Variants in TRIM24 observed in about 807,000 individuals in gnomAD.
The protein encoded by TRIM24 is transcription intermediary factor 1-alpha.
A neutral mutation model predicts 123.9 loss-of-function variants in TRIM24; 29 were observed. The ratio of observed to expected loss-of-function variants is 0.23; its 90% CI spans 0.17 to 0.32. The LOEUF is 0.32. Ranked by LOEUF, TRIM24 falls within the 10% of genes least tolerant of loss-of-function variation. The pLI, the probability that TRIM24 is intolerant of heterozygous loss-of-function variation, is 1.00. For missense variants in TRIM24, 932 were observed against 1,295.3 expected (o/e 0.72, Z 4.31); for synonymous variants, 456 against 461.1 (o/e 0.99, Z 0.14).
chr7:138,545,747 C>T (rs1016103983), intron 7 of TRIM24, among the ~76,000 whole-genome samples: 1 of 151,958 alleles, frequency 6.6e-6, no homozygotes, highest in Non-Finnish European at 1.5e-5. Flanking sequence ...TGTTGTTATA[C>T]CAGAAAACTA....
At chr7:138,582,490 C>A (rs1334862453) in intron 17 of TRIM24, among the ~76,000 whole-genome samples, 1 of 148,728 alleles carries the variant, frequency 6.7e-6, no homozygotes, top group Non-Finnish European at 1.5e-5. Context: ...TGCAGTGAGC[C>A]GAGATCATGC....
rs115921722 is a variant in TRIM24 at position 138,558,350 on chromosome 7, C to T, written c.1530+3384C>T. 7.2e-3 allele frequency among the ~76,000 whole-genome samples: 1,095 copies of T among 152,286 alleles called. 13 individuals carry two copies. Among genetic ancestry groups the T allele is most frequent in the South Asian group, 0.045 (216 of 4,820 alleles). ...CCAGTTGGTAAAGGCCTTTCCCCAG[C>T]GAACAATGCAGAATCTCCCGATAAT... On this transcript the variant is annotated intron_variant, in intron 9 of 18. Transcript: ENST00000343526.
At chr7:138,559,117 G>A (rs192565712) in intron 9 of TRIM24, among the ~76,000 whole-genome samples, 1 of 152,272 alleles carries the variant, frequency 6.6e-6, no homozygotes, top group East Asian at 1.9e-4. Context: ...AGTCTCAATA[G>A]GTGGGGACTT....
chr7:138,497,362 C>G (rs1048446215), intron 1 of TRIM24, among the ~76,000 whole-genome samples: 1 of 149,230 alleles, frequency 6.7e-6, no homozygotes, highest in Non-Finnish European at 1.5e-5. Flanking sequence ...GCCACCGCGC[C>G]TGGCCGATGG....
chr7:138,551,309 T>C (rs1324980340), intron 8 of TRIM24, 129 bp downstream of exon 8: 1 of 802,864 alleles, frequency 1.2e-6, no homozygotes, highest in Non-Finnish European at 2.1e-6. Flanking sequence ...CCTAGCACTT[T>C]GGGATCTCTC....
intron 16 of TRIM24, among the ~76,000 whole-genome samples, chr7:138,581,359 T>C (rs1298787239): frequency 6.6e-6 from 1 of 152,204 alleles, no homozygotes; most frequent in Non-Finnish European, 1.5e-5. Context: ...TGGATGCATA[T>C]TGAGAAGGTC....
chr7:138,463,628 C>T (rs556151498), intron 1 of TRIM24, among the ~76,000 whole-genome samples: 11 of 152,240 alleles, frequency 7.2e-5, no homozygotes, highest in African/African-American at 2.6e-4. Context: ...TTTGCCTGGC[C>T]ATGACATATG....
intron 15 of TRIM24, 100 bp downstream of exon 15, chr7:138,579,632 CA>C: frequency 3.1e-6 from 3 of 976,582 alleles, no homozygotes; most frequent in Non-Finnish European, 3.0e-6. Flanking sequence ...TTCCACTTGG[CA>C]CAAGTGTATA....
chr7:138,533,373 T>G (rs1403033135), intron 6 of TRIM24, among the ~76,000 whole-genome samples: 1 of 152,216 alleles, frequency 6.6e-6, no homozygotes, highest in African/African-American at 2.4e-5. Context: ...TAGCTCTTAT[T>G]ATTTTGAGAT....
chr7:138,496,697 C>T (rs763532331), intron 1 of TRIM24, among the ~76,000 whole-genome samples: 104 of 151,600 alleles, frequency 6.9e-4, no homozygotes, highest in Non-Finnish European at 2.4e-4. Context: ...GATGAGATCT[C>T]ACTATGTGGC....
chr7:138,493,978 G>A (rs1016316930), intron 1 of TRIM24, among the ~76,000 whole-genome samples: 49 of 151,516 alleles, frequency 3.2e-4, no homozygotes, highest in East Asian at 1.9e-4. Flanking sequence ...TGTTGTTGTT[G>A]TTATTATTAT....
intron 6 of TRIM24, among the ~76,000 whole-genome samples, chr7:138,537,379 G>GTTTTTTGTTTT (rs1796906333): frequency 5.3e-5 from 3 of 56,636 alleles, no homozygotes. Flanking sequence ...ACCCCTGTTT[G>GTTTTTTGTTTT]TTTTTTTTTT....
At chr7:138,525,484 A>C (rs766536877) in intron 5 of TRIM24, 127 bp downstream of exon 5, 2 of 422,436 alleles carry the variant, frequency 4.7e-6, no homozygotes, top group Non-Finnish European at 8.4e-6. Context: ...ATGACTGATA[A>C]GACTTTCCCA....
intron 9 of TRIM24, among the ~76,000 whole-genome samples, chr7:138,555,426 A>T (rs115619957): frequency 0.013 from 1,927 of 152,216 alleles, 30 homozygotes; most frequent in African/African-American, 0.045. Context: ...TACCTTTTTC[A>T]AACTTTATTT....
At chr7:138,516,872 GC>G (rs1448057983) in intron 3 of TRIM24, among the ~76,000 whole-genome samples, 1 of 149,500 alleles carries the variant, frequency 6.7e-6, no homozygotes, top group Admixed American at 6.6e-5. Flanking sequence ...ACTTTGGGAG[GC>G]CGAAGTGGGA....
At chr7:138,517,694 T>A (rs533759368) in intron 3 of TRIM24, among the ~76,000 whole-genome samples, 1 of 152,176 alleles carries the variant, frequency 6.6e-6, no homozygotes, top group Non-Finnish European at 1.5e-5. Flanking sequence ...TACTGGTTTG[T>A]CAATTTTGAC....
At chr7:138,543,606 T>TA in intron 7 of TRIM24, among the ~76,000 whole-genome samples, 2 of 152,156 alleles carry the variant, frequency 1.3e-5, no homozygotes, top group African/African-American at 4.8e-5. Flanking sequence ...TGGCTTGCTA[T>TA]TTTAAAAAAT....
intron 1 of TRIM24, among the ~76,000 whole-genome samples, chr7:138,503,737 T>C (rs1796092225): frequency 6.6e-6 from 1 of 152,190 alleles, no homozygotes; most frequent in Admixed American, 6.5e-5. Context: ...TAACTGGTCA[T>C]TTATATTAGA....
At chr7:138,490,435 G>T (rs1028308897) in intron 1 of TRIM24, 1 of 155,888 alleles carries the variant, frequency 6.4e-6, no homozygotes, top group African/African-American at 2.4e-5. Flanking sequence ...AGGCGCTCTG[G>T]TTTTTAGAAT....
Sources: gnomAD v4.1 joint callset for allele counts (sites outside exome capture counted in the v4.1 genomes callset) on GRCh38, gnomAD v4.1.1 for gene constraint, MANE v1.5 for transcripts, NCBI Gene and HGNC (gene_info 2026-07-23, HGNC 2026-07-21) for gene names.